The following IL1RAPL2 variants were observed in gnomAD, a reference collection of about 807,000 sequenced individuals.
IL1RAPL2 encodes the protein interleukin 1 receptor accessory protein like 2.
IL1RAPL2 carries 3 observed loss-of-function variants against 44.1 expected under a neutral mutation model. That is an observed-to-expected ratio of 0.07 (90% CI 0.03 to 0.18). The LOEUF (loss-of-function observed/expected upper bound fraction) is 0.18. IL1RAPL2 is among the 10% of genes least tolerant of loss of function. The pLI, the probability that IL1RAPL2 is intolerant of heterozygous loss-of-function variation, is 1.00. For missense variants in IL1RAPL2, 391 were observed against 496.4 expected, an observed-to-expected ratio of 0.79 and a Z score of 2.02; for synonymous variants, 181 against 178.8, an observed-to-expected ratio of 1.01 and a Z score of -0.10.
chrX:105,214,358 TAA>T (rs201596572), intron 3 of IL1RAPL2, among the ~76,000 whole-genome samples: 1,078 of 87,070 alleles, frequency 0.012, 16 homozygotes, highest in African/African-American at 0.04. Context: ...CCAACAAAGA[TAA>T]AAAAAAAAAA....
At chrX:104,807,480 A>T (rs1280838436) in intron 2 of IL1RAPL2, among the ~76,000 whole-genome samples, 3 of 111,825 alleles carry the variant, frequency 2.7e-5, no homozygotes, top group African/African-American at 6.5e-5. Flanking sequence ...TGAGAACAAA[A>T]CATCTCTTAG....
intron 6 of IL1RAPL2, among the ~76,000 whole-genome samples, chrX:105,549,645 C>G (rs1380938838): frequency 9.0e-6 from 1 of 111,527 alleles, no homozygotes; most frequent in African/African-American, 3.3e-5. Context: ...CTCTAGAACT[C>G]CATATGTGGT....
chrX:105,692,559 C>T (rs6621989), intron 6 of IL1RAPL2, among the ~76,000 whole-genome samples: 1 of 110,598 alleles, frequency 9.0e-6, no homozygotes, highest in Admixed American at 9.7e-5. Flanking sequence ...AGTTCCCAGT[C>T]TAGGGATGGA....
chrX:105,414,610 C>T (rs1452201444), intron 5 of IL1RAPL2, among the ~76,000 whole-genome samples: 1 of 111,444 alleles, frequency 9.0e-6, no homozygotes, highest in African/African-American at 3.3e-5. Context: ...CAGGGGCTTT[C>T]CATGTGAGGT....
At chrX:104,968,979 C>CTG (rs35842489) in intron 2 of IL1RAPL2, among the ~76,000 whole-genome samples, 11,691 of 81,902 alleles carry the variant, frequency 0.14, 862 homozygotes, top group East Asian at 0.25. Flanking sequence ...TTGCCTTTTG[C>CTG]TGTGTGTGTG....
chrX:104,751,201 T>C (rs2147583771), intron 2 of IL1RAPL2, among the ~76,000 whole-genome samples: 1 of 111,703 alleles, frequency 9.0e-6, no homozygotes, highest in South Asian at 3.7e-4. Context: ...GAAATTTGCA[T>C]GTATATCATA....
intron 6 of IL1RAPL2, among the ~76,000 whole-genome samples, chrX:105,619,250 T>TA (rs1189456220): frequency 2.2e-3 from 164 of 74,141 alleles, no homozygotes; most frequent in Middle Eastern, 6.5e-3. Flanking sequence ...GAAGGCCAAA[T>TA]AAAAAAAAAA....
chrX:105,683,309 A>G (rs1487160204), intron 6 of IL1RAPL2, among the ~76,000 whole-genome samples: 1 of 112,066 alleles, frequency 8.9e-6, no homozygotes. Context: ...TTATAAAGCA[A>G]GGGAAGTAAA....
chrX:105,206,933 A>T (rs371439430), intron 3 of IL1RAPL2, among the ~76,000 whole-genome samples: 1 of 111,685 alleles, frequency 9.0e-6, no homozygotes, highest in South Asian at 3.7e-4. Flanking sequence ...TCAATTAGAG[A>T]AACATATACA....
intron 5 of IL1RAPL2, among the ~76,000 whole-genome samples, chrX:105,300,431 T>G (rs944888581): frequency 9.0e-6 from 1 of 110,500 alleles, no homozygotes; most frequent in Non-Finnish European, 1.9e-5. Flanking sequence ...TCACTCACTA[T>G]CATGAGACCA....
At chrX:104,934,878 A>T (rs1408745379) in intron 2 of IL1RAPL2, among the ~76,000 whole-genome samples, 1 of 112,110 alleles carries the variant, frequency 8.9e-6, no homozygotes, top group Non-Finnish European at 1.9e-5. Flanking sequence ...ACGAAATAAC[A>T]GCAGAAAAAT....
chrX:104,939,899 TAGAGAA>T (rs1925121758), intron 2 of IL1RAPL2, among the ~76,000 whole-genome samples: 2 of 111,615 alleles, frequency 1.8e-5, no homozygotes, highest in Non-Finnish European at 3.8e-5. Flanking sequence ...GACAAACCTA[TAGAGAA>T]AGGAAGTAAA....
At chrX:104,822,687 T>C (rs1348342138) in intron 2 of IL1RAPL2, among the ~76,000 whole-genome samples, 4 of 112,089 alleles carry the variant, frequency 3.6e-5, no homozygotes, top group African/African-American at 1.3e-4. Context: ...AGTCAGTTAG[T>C]GTTATGCCTC....
chrX:104,845,080 T>C (rs989617568), intron 2 of IL1RAPL2, among the ~76,000 whole-genome samples: 1 of 112,161 alleles, frequency 8.9e-6, no homozygotes, highest in African/African-American at 3.2e-5. Context: ...ACTGTTGCTT[T>C]GGGAGCACAG....
At chrX:105,747,611 C>T (rs1288150229) in intron 8 of IL1RAPL2, among the ~76,000 whole-genome samples, 1 of 105,280 alleles carries the variant, frequency 9.5e-6, no homozygotes, top group Non-Finnish European at 1.9e-5. Flanking sequence ...ATATAAACTA[C>T]TAAATGGATC....
intron 5 of IL1RAPL2, among the ~76,000 whole-genome samples, chrX:105,362,699 GA>G (rs2035256722): frequency 9.0e-6 from 1 of 110,789 alleles, no homozygotes; most frequent in African/African-American, 3.3e-5. Flanking sequence ...CAGTAAAAAA[GA>G]AAACCAAAAA....
chrX:105,498,771 G>A (rs950763111), intron 6 of IL1RAPL2, among the ~76,000 whole-genome samples: 3 of 111,414 alleles, frequency 2.7e-5, no homozygotes, highest in African/African-American at 9.8e-5. Flanking sequence ...TTCAACAAAT[G>A]TACCAGGACT....
chrX:104,927,523 T>G (rs938652712), intron 2 of IL1RAPL2, among the ~76,000 whole-genome samples: 11 of 111,681 alleles, frequency 9.8e-5, no homozygotes, highest in African/African-American at 3.6e-4. Context: ...TTAAAAATCA[T>G]TCTGAACCAT....
At chrX:105,465,040 A>G (rs1193446190) in intron 5 of IL1RAPL2, among the ~76,000 whole-genome samples, 1 of 112,180 alleles carries the variant, frequency 8.9e-6, no homozygotes, top group Non-Finnish European at 1.9e-5. Context: ...TTCCTCATCA[A>G]CATCATAAAA....
Sources: gnomAD v4.1 joint callset for allele counts (sites outside exome capture counted in the v4.1 genomes callset) on GRCh38, gnomAD v4.1.1 for gene constraint, MANE v1.5 for transcripts, NCBI Gene and HGNC (gene_info 2026-07-23, HGNC 2026-07-21) for gene names.